CSF2RB: variants seen among roughly 807,000 people sequenced by gnomAD.
The protein encoded by CSF2RB is cytokine receptor common subunit beta.
Under a neutral mutation model 67.2 loss-of-function variants are expected in CSF2RB, and 22 were observed. The ratio of observed to expected loss-of-function variants is 0.33; its 90% CI spans 0.23 to 0.47. The LOEUF (loss-of-function observed/expected upper bound fraction) is 0.47. Among genes scored for constraint, CSF2RB ranks in the 20% least tolerant of loss-of-function variants. CSF2RB has a pLI of 1.00. For missense variants in CSF2RB, 1,113 were observed against 1,174.5 expected, an observed-to-expected ratio of 0.95 and a Z score of 0.76; for synonymous variants, 507 against 482.9, an observed-to-expected ratio of 1.05 and a Z score of -0.65.
chr22:36,928,185 C>A (rs1941066609), intron 4 of CSF2RB, among the ~76,000 whole-genome samples: 1 of 152,252 alleles, frequency 6.6e-6, no homozygotes, highest in South Asian at 2.1e-4. Context: ...CTCTGAGTCT[C>A]CATGTTTGGA....
intron 4 of CSF2RB, among the ~76,000 whole-genome samples, chr22:36,928,270 T>G (rs1941067991): frequency 1.3e-5 from 2 of 152,102 alleles, no homozygotes; most frequent in East Asian, 1.9e-4. Context: ...AGGTTTCTCT[T>G]GAGTTGGCTG....
chr22:36,916,501 T>G (rs186967776), intron 1 of CSF2RB, among the ~76,000 whole-genome samples: 19 of 152,360 alleles, frequency 1.2e-4, no homozygotes, highest in African/African-American at 4.1e-4. Context: ...TGTCACTACA[T>G]TCCTTATTAT....
At chr22:36,927,429 A>G (rs905849049) in intron 4 of CSF2RB, among the ~76,000 whole-genome samples, 3 of 152,054 alleles carry the variant, frequency 2.0e-5, no homozygotes, top group Non-Finnish European at 4.4e-5. Context: ...TCCCAGAGGG[A>G]AGAGCTTTGC....
intron 9 of CSF2RB, 49 bp downstream of exon 9, chr22:36,932,953 A>AAGGGAAAGCAACCAG (rs1941184773): frequency 1.9e-6 from 3 of 1,608,630 alleles, no homozygotes; most frequent in Non-Finnish European, 2.5e-6. Flanking sequence ...AGGGCGGGAG[A>AAGGGAAAGCAACCAG]AGGGAAAGCA....
rs772423226 is a variant in CSF2RB, at chr22:36,938,093, G to T, written c.2285G>T (p.Gly762Val). ...GGAGCCCCAGGCCCTGTGAAGTCAGGGTTTGAGGGCTATGTGGAGCTCCCT... is the reference window on the plus strand; with the variant it reads ...GGAGCCCCAGGCCCTGTGAAGTCAGTGTTTGAGGGCTATGTGGAGCTCCCT... ...PPGAPGPVKS[G>V]FEGYVELPPI... Residue 762 changes from glycine (G) to valine (V), a missense_variant, in exon 14 of 14, where the codon GGG becomes GTG. Coordinates refer to ENST00000403662, the MANE Select transcript of CSF2RB (RefSeq NM_000395.3). The T allele has an allele frequency of 1.2e-6, 2 of 1,613,946 alleles. No individual in the cohort carries two copies. The highest frequency in any genetic ancestry group is 2.7e-5 in the African/African-American group (2 of 74,894).
In CSF2RB at chr22:36,937,337, C is replaced by G; in HGVS notation, c.1569-40C>G. The G allele has an allele frequency of 6.2e-7, 1 of 1,608,510 alleles. No individual in the cohort carries two copies. Among genetic ancestry groups the G allele is most frequent in the African/African-American group, 1.3e-5 (1 of 74,962 alleles). On this transcript the variant is annotated intron_variant, in intron 13 of 13. Coordinates refer to ENST00000403662, the MANE Select transcript of CSF2RB (RefSeq NM_000395.3). This position sits in a 1 kb window ranked among gnomAD's most constrained non-coding sequence, Gnocchi z 4.6. ...TTGTGCCTGACCCGGATCATCTGCC[C>G]AGGGTGGTCCCAACTCTTCTGCCCA...
At chr22:36,936,299 A>C (rs1467589741) in intron 12 of CSF2RB, among the ~76,000 whole-genome samples, 1 of 152,056 alleles carries the variant, frequency 6.6e-6, no homozygotes, top group Admixed American at 6.5e-5. Context: ...GCATGGAGAC[A>C]GGCACTCCAG....
chr22:36,934,132 C>A, intron 10 of CSF2RB, 138 bp downstream of exon 10: 2 of 1,232,164 alleles, frequency 1.6e-6, no homozygotes, highest in Non-Finnish European at 2.3e-6. Context: ...AGATGGTGGC[C>A]AAAGAGAAAG....
In CSF2RB at chr22:36,938,030, C is replaced by A. The variant is rs1490961696; in HGVS notation, c.2222C>A (p.Thr741Asn). ...TCTCTGGGCCTCCCCTCAGACCAGA[C>A]CCCCAGCTTATGTCCTGGGCTGGCC... The part of the protein sequence containing the change: ...VPSLGLPSDQ[T>N]PSLCPGLASG... Residue 741 changes from threonine (T) to asparagine (N), a missense_variant, in exon 14 of 14, where the codon ACC (threonine) becomes AAC (asparagine). Around this residue, in one of 2 missense-constraint regions of CSF2RB, gnomAD observed 554 missense variants for 517.9 expected, o/e 1.07. Transcript: ENST00000403662. 3.7e-6 allele frequency: 6 copies of A among 1,614,114 alleles called. No individual in the cohort carries two copies. Among genetic ancestry groups the A allele is most frequent in the East Asian group, 2.2e-5 (1 of 44,870 alleles).
At chr22:36,914,765 T>C (rs561342393) in intron 1 of CSF2RB, among the ~76,000 whole-genome samples, 2 of 152,364 alleles carry the variant, frequency 1.3e-5, no homozygotes, top group Admixed American at 6.5e-5. Context: ...TGAGTAAACA[T>C]TTCCTATTAG....
chr22:36,929,696 A>C lies in CSF2RB; in HGVS notation c.607A>C (p.Met203Leu). ...SQATLGPEHL[M>L]PSSTYVARVR... Reference sequence around the variant, plus strand: ...GGCCACCCTGGGGCCAGAGCACCTCATGCCCAGCAGCACCTACGTGGCCCG... The same window carrying C: ...GGCCACCCTGGGGCCAGAGCACCTCCTGCCCAGCAGCACCTACGTGGCCCG... Residue 203 changes from methionine to leucine, a missense_variant, in exon 6 of 14, where the codon ATG (methionine) becomes CTG (leucine). Coordinates refer to ENST00000403662, the MANE Select transcript of CSF2RB (RefSeq NM_000395.3). The C allele has an allele frequency of 6.2e-7, 1 of 1,614,138 alleles. No individual in the cohort carries two copies. The highest frequency in any genetic ancestry group is 8.5e-7 in the Non-Finnish European group (1 of 1,180,022).
In CSF2RB at chr22:36,923,511, A is replaced by G. The variant is rs936664625; in HGVS notation, c.200+144A>G. Reference sequence around the variant, plus strand: ...GGACAGAGGAGGAGGGAGGCCCTGCAAGAGCTCCTGCTCCGCCAGGCACCT... The same window carrying G: ...GGACAGAGGAGGAGGGAGGCCCTGCGAGAGCTCCTGCTCCGCCAGGCACCT... On this transcript the variant is annotated intron_variant, in intron 3 of 13. Coordinates refer to ENST00000403662, the MANE Select transcript of CSF2RB (RefSeq NM_000395.3). 3.0e-6 allele frequency: 4 copies of G among 1,342,288 alleles called. No individual in the cohort carries two copies. In the South Asian group the frequency reaches 4.1e-5, roughly 14 times the overall value. 83.1% of individuals were successfully genotyped at this position (1,342,288 alleles called of 1,614,324 possible).
chr22:36,937,867 GA>G lies in CSF2RB; in HGVS notation c.2060del (p.Asp687AlafsTer11). 1 of 1,614,006 alleles carries G rather than the reference GA, an allele frequency of 6.2e-7. No individual in the cohort carries two copies. Among genetic ancestry groups the G allele is most frequent in the Non-Finnish European group, 8.5e-7 (1 of 1,179,956 alleles). On this transcript the variant is annotated frameshift_variant, in exon 14 of 14. Transcript: ENST00000403662. LOFTEE classifies it low-confidence loss of function (END_TRUNC). This position sits in a 1 kb window ranked among gnomAD's most constrained non-coding sequence, Gnocchi z 4.6. Reference sequence around the variant, plus strand: ...TCTTGGGCCAAGGGTGGGAGGACAGGACCAAAAGGACAGCCCTGTGGCTATA... The same window carrying G: ...TCTTGGGCCAAGGGTGGGAGGACAGGCCAAAAGGACAGCCCTGTGGCTATA... ...PALGPRVGGQ[D>X]QKDSPVAIPM... is the part of the protein sequence containing the mutation.
intron 3 of CSF2RB, among the ~76,000 whole-genome samples, chr22:36,925,733 C>A (rs1043184943): frequency 2.0e-5 from 3 of 152,188 alleles, no homozygotes; most frequent in Admixed American, 1.3e-4. Context: ...CTGGCCCAGC[C>A]CTTCCTCCCT....
chr22:36,919,904 C>G lies in CSF2RB; in HGVS notation c.-172-2132C>G, dbSNP rs16997501. Among the ~76,000 whole-genome samples, 3 of 152,212 alleles carry G rather than the reference C, an allele frequency of 2.0e-5. No individual in the cohort carries two copies. The South Asian group carries it at 6.2e-4, about 32-fold the overall frequency. ...TCTGTAGAAGTGTCTGCTGGGTTAG[C>G]ATATGTCAGAATAGATGTGCGCTGT... On this transcript the variant is annotated intron_variant, in intron 1 of 13. Transcript: ENST00000403662.
chr22:36,934,115 C>A (rs984235494), intron 10 of CSF2RB, 121 bp downstream of exon 10: 1 of 1,330,886 alleles, frequency 7.5e-7, no homozygotes, highest in African/African-American at 1.4e-5. Flanking sequence ...GAGCCGTCTC[C>A]CCGATTAGAT....
At chr22:36,936,903 G>C (rs187234224) in intron 13 of CSF2RB, among the ~76,000 whole-genome samples, 1 of 152,280 alleles carries the variant, frequency 6.6e-6, no homozygotes, top group East Asian at 1.9e-4. Flanking sequence ...TCCCCTCCCT[G>C]GCTGCCTCAG....
Position 36,937,258 on chromosome 22 carries a change from A to G in CSF2RB, c.1569-119A>G, listed in dbSNP as rs1381809127. On this transcript the variant is annotated intron_variant, in intron 13 of 13. Coordinates refer to ENST00000403662, the MANE Select transcript of CSF2RB (RefSeq NM_000395.3). The surrounding 1 kb of genome is among the most constrained non-coding windows in gnomAD (Gnocchi z 4.6). ...CTGTCCCGTTCAGGTTCTCTCTGTGAGATCTGGGGGACATCAGGGCTTCCA... is the reference window on the plus strand; with the variant it reads ...CTGTCCCGTTCAGGTTCTCTCTGTGGGATCTGGGGGACATCAGGGCTTCCA... The G allele has an allele frequency of 7.8e-7, 1 of 1,275,778 alleles. No homozygotes were observed. The highest frequency in any genetic ancestry group is 1.1e-6 in the Non-Finnish European group (1 of 901,060). The allele number at this position is 1,275,778 out of a possible 1,614,324, so 79.0% of individuals were successfully genotyped here.
chr22:36,935,630 G>A lies in CSF2RB; in HGVS notation c.1407G>A (p.Arg469=), dbSNP rs145182883. The A allele has an allele frequency of 8.1e-6, 13 of 1,614,086 alleles. No homozygotes were observed. Among genetic ancestry groups the A allele is most frequent in the Middle Eastern group, 1.6e-4 (1 of 6,082 alleles). ...CTGTCACCTCCGTGGTGTCTTCCAG[G>A]CTGCGCAGAAAGTGGGAGGAGAAGA... The part of the protein sequence containing the change: ...ALRFCGIYGY[R]LRRKWEEKIP... Residue 469 remains arginine (R), a splice_region_variant and synonymous_variant, in exon 12 of 14, where the codon AGG becomes AGA. Transcript: ENST00000403662.
Sources: allele counts gnomAD v4.1 joint callset (sites outside exome capture counted in the v4.1 genomes callset), GRCh38; gene constraint gnomAD v4.1.1; regional missense constraint gnomAD v4.1.1; non-coding constraint Gnocchi (gnomAD v3.1); transcripts MANE v1.5; gene names NCBI Gene and HGNC (gene_info 2026-07-23, HGNC 2026-07-21).